Variants in VPS13A observed in about 807,000 individuals in gnomAD.
The protein encoded by VPS13A is intermembrane lipid transfer protein VPS13A.
Under a neutral mutation model 390.9 loss-of-function variants are expected in VPS13A, and 264 were observed. The observed-to-expected ratio is 0.68, with a 90% CI of 0.61 to 0.75. VPS13A has a LOEUF of 0.75. Among genes scored for constraint, VPS13A ranks in the 30% least tolerant of loss-of-function variants. VPS13A has a pLI of 0.00. For missense variants in VPS13A, 3,409 were observed against 3,733.9 expected (o/e 0.91, Z 2.27); for synonymous variants, 1,231 against 1,227.1 (o/e 1.00, Z -0.07).
At position 77,293,191 on chromosome 9, in the gene VPS13A, A is replaced by G. The variant is rs544274237; in HGVS notation, c.3340-150A>G. ...TAGTGTAGGTTCCAATAAACCAGTTACAGTAGAATTGTTGCCTCATTTGTA... is the reference window on the plus strand; with the variant it reads ...TAGTGTAGGTTCCAATAAACCAGTTGCAGTAGAATTGTTGCCTCATTTGTA... On this transcript the variant is annotated intron_variant, in intron 31 of 71. Transcript: ENST00000360280. 40 of 629,940 alleles carry G rather than the reference A, an allele frequency of 6.3e-5. No individual in the cohort carries two copies. The African/African-American group carries it at 6.6e-4, about 10-fold the overall frequency. The allele number at this position is 629,940 out of a possible 1,614,324, so 39.0% of individuals were successfully genotyped here.
chr9:77,320,974 A>G (rs1301760085), intron 42 of VPS13A, among the ~76,000 whole-genome samples, 195 bp from the exon 43 acceptor site: 1 of 151,938 alleles, frequency 6.6e-6, no homozygotes, highest in African/African-American at 2.4e-5. Flanking sequence ...TGATGACATG[A>G]TTTATTTTCT....
chr9:77,258,384 G>A (rs1196708016), intron 22 of VPS13A, among the ~76,000 whole-genome samples: 1 of 152,136 alleles, frequency 6.6e-6, no homozygotes, highest in East Asian at 1.9e-4. Context: ...GGTGGACATT[G>A]TTTTTAATAC....
At chr9:77,194,125 A>G (rs1388559215) in intron 1 of VPS13A, among the ~76,000 whole-genome samples, 1 of 152,082 alleles carries the variant, frequency 6.6e-6, no homozygotes, top group Non-Finnish European at 1.5e-5. Context: ...ACATTGGAAA[A>G]GCCGTCGGGG....
chr9:77,369,118 A>G (rs1002086483), intron 62 of VPS13A, among the ~76,000 whole-genome samples, 181 bp from the exon 63 acceptor site: 2 of 152,224 alleles, frequency 1.3e-5, no homozygotes, highest in African/African-American at 4.8e-5. Flanking sequence ...GCAACAGAGC[A>G]GGACTGTCTC....
chr9:77,378,756 T>C (rs72748207), intron 67 of VPS13A, among the ~76,000 whole-genome samples: 8,846 of 151,974 alleles, frequency 0.058, 367 homozygotes, highest in South Asian at 0.12. Flanking sequence ...GTTTGCTTTT[T>C]CTACTTTCTC....
intron 13 of VPS13A, among the ~76,000 whole-genome samples, chr9:77,222,985 C>T (rs1243655002): frequency 1.3e-5 from 2 of 152,152 alleles, no homozygotes; most frequent in East Asian, 3.8e-4. Context: ...TATAACCAAA[C>T]CAGCTGTTTC....
At chr9:77,385,029 C>T (rs1176627250) in intron 68 of VPS13A, 7 of 1,021,152 alleles carry the variant, frequency 6.9e-6, no homozygotes, top group Non-Finnish European at 8.2e-6. Context: ...TAGCAAAATG[C>T]CTTTTTTTAA....
chr9:77,415,195 TA>T (rs1406780990), intron 71 of VPS13A, among the ~76,000 whole-genome samples: 7 of 152,344 alleles, frequency 4.6e-5, no homozygotes, highest in Admixed American at 4.6e-4. Flanking sequence ...TTACCTGCAA[TA>T]AAGTTTTCTT....
In VPS13A at chr9:77,416,125, C is replaced by T; in HGVS notation, c.*119C>T. The T allele has an allele frequency of 2.5e-6, 3 of 1,195,606 alleles. No homozygotes were observed. The highest frequency in any genetic ancestry group is 2.3e-5 in the Admixed American group (1 of 43,606). 74.1% of individuals were successfully genotyped at this position (1,195,606 alleles called of 1,614,324 possible). ...TTTCAAGTACCCTGTATTCTGGATG[C>T]TAAAAAACAAAAACAAACAAAAAAA... On this transcript the variant is annotated 3_prime_UTR_variant, in exon 72 of 72. Coordinates refer to ENST00000360280, the MANE Select transcript of VPS13A (RefSeq NM_033305.3).
intron 26 of VPS13A, 170 bp from the exon 27 acceptor site, chr9:77,279,989 T>TCTAAATTAAA (rs1826921111): frequency 3.9e-6 from 2 of 507,050 alleles, no homozygotes; most frequent in Non-Finnish European, 7.0e-6. Flanking sequence ...AAATTAAATT[T>TCTAAATTAAA]TTAGAGTTTA....
At chr9:77,412,642 A>G (rs1467801469) in intron 71 of VPS13A, among the ~76,000 whole-genome samples, 1 of 152,216 alleles carries the variant, frequency 6.6e-6, no homozygotes, top group Non-Finnish European at 1.5e-5. Flanking sequence ...AGCCAATATC[A>G]TACCGAATGG....
rs79304928 is a variant in VPS13A, at chr9:77,388,079, T to C, written c.9189+5992T>C. 6.6e-5 allele frequency among the ~76,000 whole-genome samples: 10 copies of C among 152,312 alleles called. No homozygotes were observed. The East Asian group carries it at 1.9e-3, about 29-fold the overall frequency. On this transcript the variant is annotated intron_variant, in intron 68 of 71. Transcript: ENST00000360280. ...CAGCTTTTTGTCTCTTAGATTTCCTTGCAAAATAGTAAAGGGTCTTATGGA... is the reference window on the plus strand; with the variant it reads ...CAGCTTTTTGTCTCTTAGATTTCCTCGCAAAATAGTAAAGGGTCTTATGGA...
At chr9:77,273,172 T>C in intron 23 of VPS13A, 108 bp from the exon 24 acceptor site, 1 of 825,420 alleles carries the variant, frequency 1.2e-6, no homozygotes, top group Admixed American at 2.4e-5. Flanking sequence ...TAATTCAAAT[T>C]GGATAGCTTT....
intron 29 of VPS13A, among the ~76,000 whole-genome samples, chr9:77,282,969 A>G (rs1434924039): frequency 2.0e-5 from 3 of 151,632 alleles, no homozygotes; most frequent in Non-Finnish European, 4.4e-5. Context: ...AAAAAAAAAC[A>G]AAAAAGAGTA....
intron 67 of VPS13A, among the ~76,000 whole-genome samples, chr9:77,381,205 A>G (rs1833415448): frequency 6.6e-6 from 1 of 152,116 alleles, no homozygotes; most frequent in African/African-American, 2.4e-5. Flanking sequence ...GTGCAGTGGC[A>G]TGGGGCTCAA....
Position 77,282,341 on chromosome 9 carries a change from C to A in VPS13A, c.3118+67C>A. 5.0e-6 allele frequency: 7 copies of A among 1,388,502 alleles called. No individual in the cohort carries two copies. In the South Asian group the frequency reaches 5.2e-5, roughly 10 times the overall value. 86.0% of individuals were successfully genotyped at this position (1,388,502 alleles called of 1,614,324 possible). On this transcript the variant is annotated intron_variant, in intron 29 of 71. Coordinates refer to ENST00000360280, the MANE Select transcript of VPS13A (RefSeq NM_033305.3). The stretch of plus-strand genomic sequence containing the variant: ...AACCATGTAGGTCAATAAATCTAGA[C>A]CCTGACTTTATTATTAACTTCAAAT...
chr9:77,205,966 A>G lies in VPS13A; in HGVS notation c.284-12A>G, dbSNP rs1334934623. ...AGGTAGTTATGATTCTTCCTTTTTA[A>G]TCTTCCTATAGGAATAAAATATGAT... is the stretch of plus-strand genomic sequence containing the variant. On this transcript the variant is annotated splice_polypyrimidine_tract_variant and intron_variant, in intron 4 of 71. Coordinates refer to ENST00000360280, the MANE Select transcript of VPS13A (RefSeq NM_033305.3). 2.0e-6 allele frequency: 3 copies of G among 1,502,856 alleles called. No homozygotes were observed. Among genetic ancestry groups the G allele is most frequent in the African/African-American group, 2.8e-5 (2 of 71,924 alleles). 93.1% of individuals were successfully genotyped at this position (1,502,856 alleles called of 1,614,324 possible). A position where few individuals can be genotyped will look rare whatever the true frequency, so the allele number is the denominator to read the frequency against.
intron 49 of VPS13A, 22 bp downstream of exon 49, chr9:77,340,304 C>T (rs1298685860): frequency 1.2e-6 from 2 of 1,607,224 alleles, no homozygotes; most frequent in African/African-American, 2.7e-5. Flanking sequence ...CTATGCTTAT[C>T]AAGAAACTTT....
Position 77,214,306 on chromosome 9 carries a change from A to G in VPS13A, c.697-23A>G. ...AAGACATATTGGCATGAATATAAAT[A>G]AAAGCAATTTGTCTTTTAATAGGAC... On this transcript the variant is annotated intron_variant, in intron 9 of 71. Transcript: ENST00000360280. 4 of 1,604,682 alleles carry G rather than the reference A, an allele frequency of 2.5e-6. No homozygotes were observed. The South Asian group carries it at 4.4e-5, about 18-fold the overall frequency.
Sources: allele counts gnomAD v4.1 joint callset (sites outside exome capture counted in the v4.1 genomes callset), GRCh38; gene constraint gnomAD v4.1.1; transcripts MANE v1.5; gene names NCBI Gene and HGNC (gene_info 2026-07-23, HGNC 2026-07-21).